PCDH15: variants seen among roughly 807,000 people sequenced by gnomAD.
PCDH15 encodes the protein protocadherin-15.
Under a neutral mutation model 178.5 loss-of-function variants are expected in PCDH15, and 129 were observed. The ratio of observed to expected loss-of-function variants is 0.72; its 90% CI spans 0.63 to 0.84. PCDH15 has a LOEUF of 0.84. Among genes scored for constraint, PCDH15 ranks in the 40% least tolerant of loss-of-function variants. The pLI, the probability that PCDH15 is intolerant of heterozygous loss-of-function variation, is 0.00. For missense variants in PCDH15, 2,230 were observed against 2,099.9 expected (o/e 1.06, Z -1.21); for synonymous variants, 800 against 732.0 (o/e 1.09, Z -1.50).
rs1207659454 is a variant in PCDH15, at chr10:53,903,132, C to G, written c.3501+111G>C. 8.7e-6 allele frequency: 11 copies of G among 1,263,954 alleles called. No individual in the cohort carries two copies. The East Asian group carries it at 2.6e-4, about 30-fold the overall frequency. 78.3% of individuals were successfully genotyped at this position (1,263,954 alleles called of 1,614,324 possible). The stretch of plus-strand genomic sequence containing the variant: ...AACTAATATAGCTCCAAGTTTCAGG[C>G]TTTTGTTTATACAGCATAAGTATGC... On this transcript the variant is annotated intron_variant, in intron 26 of 37. Coordinates refer to ENST00000644397, the MANE Select transcript of PCDH15 (RefSeq NM_001384140.1).
At chr10:54,506,913 G>T (rs1348702842) in intron 3 of PCDH15, among the ~76,000 whole-genome samples, 1 of 151,972 alleles carries the variant, frequency 6.6e-6, no homozygotes, top group Non-Finnish European at 1.5e-5. Flanking sequence ...TCAGGAGACA[G>T]ATTCTTTTTA....
chr10:54,321,094 A>G (rs1317586581), intron 7 of PCDH15, among the ~76,000 whole-genome samples: 1 of 137,718 alleles, frequency 7.3e-6, no homozygotes, highest in Non-Finnish European at 1.6e-5. Context: ...CTCAATAACA[A>G]ATAAGTTAAT....
At chr10:54,275,535 A>G (rs1182678321) in intron 8 of PCDH15, among the ~76,000 whole-genome samples, 2 of 151,910 alleles carry the variant, frequency 1.3e-5, no homozygotes, top group Non-Finnish European at 2.9e-5. Context: ...ACTTGAAAGA[A>G]AAAAATATTT....
intron 3 of PCDH15, among the ~76,000 whole-genome samples, chr10:54,419,314 T>G (rs1055660327): frequency 1.3e-5 from 2 of 152,004 alleles, no homozygotes; most frequent in African/African-American, 4.8e-5. Context: ...TCATAAGCAG[T>G]ATTTTGTCCA....
At chr10:54,706,924 A>G (rs543404078) in intron 1 of PCDH15, among the ~76,000 whole-genome samples, 4 of 152,206 alleles carry the variant, frequency 2.6e-5, no homozygotes, top group Non-Finnish European at 5.9e-5. Context: ...GCCCAGCCAG[A>G]AAGACACATT....
chr10:53,888,300 A>ATGTATATGTATATATATACG (rs1554845150), intron 26 of PCDH15, among the ~76,000 whole-genome samples: 9,488 of 81,960 alleles, frequency 0.12, 850 homozygotes, highest in East Asian at 0.44. Context: ...ACATATATAT[A>ATGTATATGTATATATATACG]TATATATATG....
At chr10:54,242,128 TTTTATA>T (rs1459042019) in intron 8 of PCDH15, among the ~76,000 whole-genome samples, 690 of 61,936 alleles carry the variant, frequency 0.011, 54 homozygotes, top group South Asian at 0.021. Context: ...TGAATTCTAT[TTTTATA>T]TATATATATA....
chr10:55,202,897 C>A (rs1175866276), intron 1 of PCDH15, among the ~76,000 whole-genome samples: 1 of 152,228 alleles, frequency 6.6e-6, no homozygotes, highest in Non-Finnish European at 1.5e-5. Context: ...TGTGAGTTTC[C>A]TAAGGCCTCC....
intron 2 of PCDH15, among the ~76,000 whole-genome samples, chr10:55,086,691 A>G (rs1451590992): frequency 6.6e-6 from 1 of 152,116 alleles, no homozygotes; most frequent in Non-Finnish European, 1.5e-5. Flanking sequence ...TTCTGTGAAC[A>G]TGAAGACTTT....
intron 15 of PCDH15, among the ~76,000 whole-genome samples, chr10:54,102,181 T>A (rs1283314007): frequency 1.3e-5 from 2 of 152,180 alleles, no homozygotes; most frequent in Non-Finnish European, 2.9e-5. Flanking sequence ...CAGCACAGCA[T>A]AATGCAGGCA....
chr10:54,843,015 C>G (rs1439071379), intron 3 of PCDH15, among the ~76,000 whole-genome samples: 1 of 151,966 alleles, frequency 6.6e-6, no homozygotes, highest in African/African-American at 2.4e-5. Context: ...TATAGTCCAT[C>G]TCCAGCTTAT....
At chr10:54,264,360 G>A (rs565901920) in intron 8 of PCDH15, among the ~76,000 whole-genome samples, 2 of 152,160 alleles carry the variant, frequency 1.3e-5, no homozygotes, top group Non-Finnish European at 2.9e-5. Context: ...CAAAAAGCCA[G>A]AGTGTTTTGT....
At position 53,810,638 on chromosome 10, in the gene PCDH15, C is replaced by G. The variant is rs368380451; in HGVS notation, c.4589G>C (p.Arg1530Pro). The part of the protein sequence containing the change: ...HGYEMPQYGS[R>P]RRLLPPAGQE... ...TCCAGCTGGTGGTAACAATCGACGG[C>G]GACTCCCATATTGAGGCATTTCATA... The change falls in exon 37 of 38, where the codon CGC (arginine) becomes CCC (proline). Residue 1530 changes from arginine (R) to proline (P), a missense_variant. Physicochemically the swap from Arg to Pro is moderately radical, Grantham distance 103 (BLOSUM62 -2). Coordinates refer to ENST00000644397, the MANE Select transcript of PCDH15 (RefSeq NM_001384140.1). 1.2e-6 allele frequency: 2 copies of G among 1,613,760 alleles called. No individual in the cohort carries two copies. The highest frequency in any genetic ancestry group is 2.7e-5 in the African/African-American group (2 of 75,014).
At chr10:53,864,493 A>G (rs2133127577) in intron 27 of PCDH15, among the ~76,000 whole-genome samples, 2 of 152,218 alleles carry the variant, frequency 1.3e-5, no homozygotes, top group South Asian at 4.1e-4. Flanking sequence ...CCATCCTTTC[A>G]TTTGCTTAGG....
chr10:53,868,858 C>T (rs2079632323), intron 26 of PCDH15, among the ~76,000 whole-genome samples: 1 of 151,990 alleles, frequency 6.6e-6, no homozygotes, highest in African/African-American at 2.4e-5. Flanking sequence ...TTTTCTCTGT[C>T]ACCCAGGCTG....
At chr10:54,777,043 C>T (rs1949787909) in intron 1 of PCDH15, among the ~76,000 whole-genome samples, 1 of 152,132 alleles carries the variant, frequency 6.6e-6, no homozygotes, top group Admixed American at 6.6e-5. Flanking sequence ...ACTCAAACTT[C>T]ATTAAAATAT....
chr10:55,527,446 A>G (rs1841325032), intron 2 of PCDH15, among the ~76,000 whole-genome samples: 2 of 152,012 alleles, frequency 1.3e-5, no homozygotes, highest in African/African-American at 2.4e-5. Flanking sequence ...TTTAAAAAAT[A>G]AAAACTCCAT....
intron 2 of PCDH15, among the ~76,000 whole-genome samples, chr10:55,503,282 C>T (rs1467651590): frequency 6.7e-6 from 1 of 149,810 alleles, no homozygotes; most frequent in Non-Finnish European, 1.5e-5. Flanking sequence ...CTTATATATG[C>T]ATAATTTGAA....
intron 1 of PCDH15, among the ~76,000 whole-genome samples, chr10:54,691,801 T>C (rs1029160962): frequency 1.6e-4 from 25 of 152,154 alleles, no homozygotes; most frequent in Non-Finnish European, 3.4e-4. Context: ...ATGCTTCATG[T>C]AGACTTTCTG....
Sources: allele counts gnomAD v4.1 joint callset (sites outside exome capture counted in the v4.1 genomes callset), GRCh38; gene constraint gnomAD v4.1.1; transcripts MANE v1.5; gene names NCBI Gene and HGNC (gene_info 2026-07-23, HGNC 2026-07-21).